PTH2R: variants seen among roughly 807,000 people sequenced by gnomAD.
PTH2R encodes parathyroid hormone 2 receptor, also known as PTH2 receptor.
PTH2R carries 59 observed loss-of-function variants against 60.3 expected under a neutral mutation model. The observed-to-expected ratio is 0.98, with a 90% CI of 0.79 to 1.22. The LOEUF is 1.22. PTH2R is among the 50% of genes most tolerant of loss of function. PTH2R has a pLI of 0.00. For missense variants in PTH2R, 749 were observed against 682.6 expected (o/e 1.10, Z -1.08); for synonymous variants, 256 against 243.8 (o/e 1.05, Z -0.47).
intron 9 of PTH2R, among the ~76,000 whole-genome samples, chr2:208,477,935 T>C (rs990534645): frequency 6.9e-6 from 1 of 144,856 alleles, no homozygotes; most frequent in South Asian, 2.2e-4. Flanking sequence ...GTACTAGCAC[T>C]ACTACTAGTA....
At chr2:208,434,237 C>T (rs570082035) in intron 2 of PTH2R, among the ~76,000 whole-genome samples, 21 of 151,826 alleles carry the variant, frequency 1.4e-4, no homozygotes, top group South Asian at 6.3e-4. Context: ...TGCTTGAACT[C>T]GGGAGGCGGA....
chr2:208,370,973 G>A (rs1479695831), intron 1 of PTH2R, among the ~76,000 whole-genome samples: 1 of 151,990 alleles, frequency 6.6e-6, no homozygotes, highest in Non-Finnish European at 1.5e-5. Context: ...TGGTGATAGA[G>A]GGAGCAAGAG....
intron 1 of PTH2R, among the ~76,000 whole-genome samples, chr2:208,411,360 C>G (rs778326505): frequency 2.6e-4 from 39 of 152,194 alleles, no homozygotes; most frequent in Non-Finnish European, 2.5e-4. Context: ...TGTTCTCATT[C>G]TTTTCTCTTG....
At chr2:208,368,595 GC>G (rs927950805) in intron 1 of PTH2R, among the ~76,000 whole-genome samples, 2 of 151,984 alleles carry the variant, frequency 1.3e-5, no homozygotes, top group Admixed American at 6.6e-5. Context: ...TCAAAGCCTG[GC>G]CACCTTAAAT....
At chr2:208,388,098 A>G (rs1478508300) in intron 1 of PTH2R, among the ~76,000 whole-genome samples, 1 of 150,566 alleles carries the variant, frequency 6.6e-6, no homozygotes, top group Non-Finnish European at 1.5e-5. Context: ...TCACGAGGTC[A>G]GGAGATCAAG....
At chr2:208,413,473 TC>T (rs1701581667) in intron 1 of PTH2R, among the ~76,000 whole-genome samples, 1 of 152,200 alleles carries the variant, frequency 6.6e-6, no homozygotes, top group African/African-American at 2.4e-5. Context: ...TAAAAATGAT[TC>T]AGTGCTCAGG....
chr2:208,437,826 G>A lies in PTH2R; in HGVS notation c.356G>A (p.Trp119Ter), dbSNP rs1440563512. The part of the protein sequence containing the change: ...WDFMHSLNKT[W>*]ANYSDCLRFL... ...TTTATGCACAGCTTAAATAAAACAT[G>A]GGCCAATTATTCAGACTGCCTTCGC... Residue 119 changes from tryptophan (W) to a stop codon, truncating the protein, a stop_gained, in exon 4 of 13, where the codon TGG becomes TAG. Transcript: ENST00000272847. LOFTEE classifies it high-confidence loss of function. 1.2e-6 allele frequency: 2 copies of A among 1,613,762 alleles called. No individual in the cohort carries two copies. The highest frequency in any genetic ancestry group is 1.7e-5 in the Admixed American group (1 of 60,010).
At chr2:208,468,532 A>G (rs1702807294) in intron 9 of PTH2R, among the ~76,000 whole-genome samples, 1 of 152,076 alleles carries the variant, frequency 6.6e-6, no homozygotes, top group African/African-American at 2.4e-5. Context: ...TACATGCCAC[A>G]CCCTGGCTAT....
intron 1 of PTH2R, among the ~76,000 whole-genome samples, chr2:208,383,963 G>C (rs920951550): frequency 6.6e-6 from 1 of 152,192 alleles, no homozygotes; most frequent in Admixed American, 6.5e-5. Flanking sequence ...TGGAGGATGG[G>C]GGCATGAGGA....
At chr2:208,483,176 A>G (rs2105907016) in intron 10 of PTH2R, among the ~76,000 whole-genome samples, 1 of 152,310 alleles carries the variant, frequency 6.6e-6, no homozygotes, top group African/African-American at 2.4e-5. Context: ...CACAGTATTA[A>G]TAAATCAGCA....
chr2:208,372,965 A>G (rs906097098), intron 1 of PTH2R, among the ~76,000 whole-genome samples: 3 of 152,118 alleles, frequency 2.0e-5, no homozygotes, highest in Non-Finnish European at 4.4e-5. Flanking sequence ...ACATGCCTGT[A>G]GGTCCAGCTA....
chr2:208,493,644 T>C lies in PTH2R; in HGVS notation c.1638T>C (p.Thr546=). Reference sequence around the variant, plus strand: ...ACACTGAAGGATGCCAAGGAGAAACTGAGGATGTTCTCTGAATGGACATTT... The same window carrying C: ...ACACTGAAGGATGCCAAGGAGAAACCGAGGATGTTCTCTGAATGGACATTT... ...NPDTEGCQGE[T]EDVL is the part of the protein sequence containing the mutation. Residue 546 remains threonine (T), a synonymous_variant, in exon 13 of 13, where the codon ACT becomes ACC. Coordinates refer to ENST00000272847, the MANE Select transcript of PTH2R (RefSeq NM_005048.4). The C allele has an allele frequency of 6.4e-7, 1 of 1,554,468 alleles. No homozygotes were observed.
At chr2:208,460,050 T>C (rs1702602870) in intron 9 of PTH2R, 89 bp downstream of exon 9, 2 of 1,103,944 alleles carry the variant, frequency 1.8e-6, no homozygotes, top group Admixed American at 1.9e-5. Flanking sequence ...CACTGCATTC[T>C]ACAACAGATC....
intron 7 of PTH2R, among the ~76,000 whole-genome samples, chr2:208,446,195 T>C (rs191215632): frequency 1.7e-4 from 26 of 152,330 alleles, no homozygotes; most frequent in Admixed American, 1.7e-3. Flanking sequence ...TATGCCTTGA[T>C]AGCTACCTGG....
intron 1 of PTH2R, among the ~76,000 whole-genome samples, chr2:208,395,269 G>A (rs796740707): frequency 3.3e-5 from 5 of 151,918 alleles, no homozygotes; most frequent in East Asian, 1.9e-4. Flanking sequence ...GGATGGTCTC[G>A]ATCTCCTGAC....
At chr2:208,395,054 A>C (rs887469363) in intron 1 of PTH2R, among the ~76,000 whole-genome samples, 7 of 145,588 alleles carry the variant, frequency 4.8e-5, no homozygotes, top group East Asian at 4.0e-4. Context: ...TTTCTTTTTT[A>C]TTTTTTTTTT....
chr2:208,438,490 G>T (rs943283822), intron 4 of PTH2R, among the ~76,000 whole-genome samples: 1 of 152,154 alleles, frequency 6.6e-6, no homozygotes, highest in African/African-American at 2.4e-5. Context: ...TTAATGTAGA[G>T]CCCTTATGTC....
intron 4 of PTH2R, among the ~76,000 whole-genome samples, chr2:208,439,724 G>A (rs1374262858): frequency 6.6e-6 from 1 of 152,096 alleles, no homozygotes; most frequent in Non-Finnish European, 1.5e-5. Flanking sequence ...TTTTTAGAGT[G>A]TGATATTTAA....
intron 1 of PTH2R, among the ~76,000 whole-genome samples, chr2:208,380,659 A>T (rs1476108385): frequency 6.6e-6 from 1 of 152,076 alleles, no homozygotes; most frequent in South Asian, 2.1e-4. Flanking sequence ...TCTCTAGTGT[A>T]TGGAACTCAC....
Sources: gnomAD v4.1 joint callset for allele counts (sites outside exome capture counted in the v4.1 genomes callset) on GRCh38, gnomAD v4.1.1 for gene constraint, MANE v1.5 for transcripts, NCBI Gene and HGNC (gene_info 2026-07-23, HGNC 2026-07-21) for gene names.